Variants in SIN3A observed in about 807,000 individuals in gnomAD.
SIN3A encodes the protein SIN3 transcription regulator family member A.
In SIN3A, 14 loss-of-function variants were observed where a neutral mutation model predicts 146.1. That is an observed-to-expected ratio of 0.10 (90% confidence interval 0.06 to 0.15). The LOEUF is 0.15. Among genes scored for constraint, SIN3A ranks in the 10% least tolerant of loss-of-function variants. The pLI is 1.00. For missense variants in SIN3A, 1,028 were observed against 1,576.0 expected, an observed-to-expected ratio of 0.65 and a Z score of 5.89; for synonymous variants, 572 against 572.0, an observed-to-expected ratio of 1.00 and a Z score of 0.00.
chr15:75,383,285 A>G (rs1436441099), intron 17 of SIN3A, among the ~76,000 whole-genome samples: 1 of 152,034 alleles, frequency 6.6e-6, no homozygotes, highest in Non-Finnish European at 1.5e-5. Flanking sequence ...AAAAAAAAAA[A>G]AAAAGTTAAA....
At chr15:75,424,305 A>G (rs1260181334) in intron 2 of SIN3A, among the ~76,000 whole-genome samples, 1 of 151,584 alleles carries the variant, frequency 6.6e-6, no homozygotes, top group African/African-American at 2.4e-5. Flanking sequence ...ATGGTGGCGC[A>G]TGCCTGTAAT....
intron 19 of SIN3A, among the ~76,000 whole-genome samples, chr15:75,378,658 T>C (rs535862033): frequency 6.6e-6 from 1 of 152,272 alleles, no homozygotes; most frequent in Admixed American, 6.5e-5. Context: ...AATATTCCTT[T>C]TTCCAGCTAC....
chr15:75,405,427 C>T (rs898390236), intron 9 of SIN3A, among the ~76,000 whole-genome samples: 3 of 150,742 alleles, frequency 2.0e-5, no homozygotes, highest in East Asian at 3.9e-4. Flanking sequence ...ATATTGAGTC[C>T]GTGTCAAGTT....
intron 1 of SIN3A, among the ~76,000 whole-genome samples, chr15:75,431,881 G>A (rs1362178482): frequency 6.6e-6 from 1 of 152,100 alleles, no homozygotes; most frequent in Non-Finnish European, 1.5e-5. Flanking sequence ...GTGGGACCCT[G>A]ACACAGCAGC....
intron 15 of SIN3A, among the ~76,000 whole-genome samples, chr15:75,391,269 C>A (rs2141420910): frequency 6.6e-6 from 1 of 152,232 alleles, no homozygotes; most frequent in Non-Finnish European, 1.5e-5. Flanking sequence ...TCAGACAAGA[C>A]AACATTATGT....
chr15:75,428,787 T>C (rs1185187954), intron 2 of SIN3A, among the ~76,000 whole-genome samples: 1 of 152,132 alleles, frequency 6.6e-6, no homozygotes, highest in African/African-American at 2.4e-5. Context: ...TGCGAGCCAC[T>C]GCACTCAGCA....
intron 2 of SIN3A, among the ~76,000 whole-genome samples, chr15:75,425,927 T>C (rs900227200): frequency 5.3e-5 from 8 of 152,176 alleles, no homozygotes; most frequent in African/African-American, 1.9e-4. Flanking sequence ...ACCAAGCAAC[T>C]ATGCATAAAT....
At chr15:75,396,592 G>C in intron 12 of SIN3A, 96 bp from the exon 13 acceptor site, 1 of 869,704 alleles carries the variant, frequency 1.1e-6, no homozygotes, top group Admixed American at 2.4e-5. Flanking sequence ...AAACTCCTTG[G>C]ATTTGAATCC....
At chr15:75,403,903 T>C (rs2073460153) in intron 9 of SIN3A, among the ~76,000 whole-genome samples, 2 of 152,234 alleles carry the variant, frequency 1.3e-5, no homozygotes, top group Admixed American at 6.5e-5. Context: ...TTTTAAACTC[T>C]GGTAATCTGG....
intron 16 of SIN3A, among the ~76,000 whole-genome samples, chr15:75,387,801 G>A (rs1486319144): frequency 6.6e-6 from 1 of 152,058 alleles, no homozygotes; most frequent in Non-Finnish European, 1.5e-5. Flanking sequence ...ACTGGAGTCT[G>A]TATTTTATAT....
At chr15:75,406,298 G>C (rs1484681088) in intron 9 of SIN3A, among the ~76,000 whole-genome samples, 2 of 152,224 alleles carry the variant, frequency 1.3e-5, no homozygotes, top group Non-Finnish European at 2.9e-5. Flanking sequence ...TTGCTCATTA[G>C]AATCAGCTGG....
At chr15:75,450,933 G>C (rs1444670686) in intron 1 of SIN3A, among the ~76,000 whole-genome samples, 1 of 152,092 alleles carries the variant, frequency 6.6e-6, no homozygotes, top group Non-Finnish European at 1.5e-5. Context: ...CGGCCCCTCC[G>C]GCCAACCGGA....
intron 1 of SIN3A, among the ~76,000 whole-genome samples, chr15:75,439,324 T>C (rs559466631): frequency 1.3e-5 from 2 of 152,014 alleles, no homozygotes; most frequent in African/African-American, 4.8e-5. Flanking sequence ...AGTTTAATCA[T>C]AACCCCAACT....
Position 75,394,677 on chromosome 15 carries a change from C to T in SIN3A, c.2277+3G>A. On this transcript the variant is annotated splice_donor_region_variant and intron_variant, in intron 14 of 20. Transcript: ENST00000394947. The stretch of plus-strand genomic sequence containing the variant: ...CTCACAGATGCAGAAACCCCCCGCT[C>T]ACCTCATCATAGATACTCTCAATCT... 1.2e-6 allele frequency: 2 copies of T among 1,603,630 alleles called. No individual in the cohort carries two copies. Among genetic ancestry groups the T allele is most frequent in the Non-Finnish European group, 1.7e-6 (2 of 1,175,394 alleles).
intron 2 of SIN3A, among the ~76,000 whole-genome samples, chr15:75,429,446 G>GTTA (rs1344139383): frequency 6.6e-6 from 1 of 152,108 alleles, no homozygotes; most frequent in Non-Finnish European, 1.5e-5. Flanking sequence ...AAGGAAAAAA[G>GTTA]TTATACATGT....
chr15:75,416,069 GA>G (rs2073730246), intron 3 of SIN3A: 2 of 255,748 alleles, frequency 7.8e-6, no homozygotes, highest in Admixed American at 7.7e-5. Context: ...TGTAAAGTTT[GA>G]ACTATAAAGT....
At chr15:75,418,669 G>A (rs2073785925) in intron 3 of SIN3A, among the ~76,000 whole-genome samples, 1 of 152,078 alleles carries the variant, frequency 6.6e-6, no homozygotes, top group South Asian at 2.1e-4. Context: ...CCAGAACTGT[G>A]AGAAATAAAC....
At chr15:75,433,428 GTTTCT>G (rs1392922307) in intron 1 of SIN3A, among the ~76,000 whole-genome samples, 1 of 152,006 alleles carries the variant, frequency 6.6e-6, no homozygotes, top group Admixed American at 6.6e-5. Flanking sequence ...TTAAAATATC[GTTTCT>G]TTTATTAAGT....
intron 1 of SIN3A, among the ~76,000 whole-genome samples, chr15:75,437,837 G>A (rs1418302805): frequency 2.6e-5 from 4 of 152,110 alleles, no homozygotes; most frequent in Non-Finnish European, 5.9e-5. Context: ...ATGGAGAGAA[G>A]ACTAAATAAT....
Sources: gnomAD v4.1 joint callset for allele counts (sites outside exome capture counted in the v4.1 genomes callset) on GRCh38, gnomAD v4.1.1 for gene constraint, MANE v1.5 for transcripts, NCBI Gene and HGNC (gene_info 2026-07-23, HGNC 2026-07-21) for gene names.